Variants in KCNT2 observed in about 807,000 individuals in gnomAD.
KCNT2 encodes the protein potassium channel subfamily T member 2.
In KCNT2, 67 loss-of-function variants were observed where a neutral mutation model predicts 153.8. The ratio of observed to expected loss-of-function variants is 0.44; its 90% confidence interval spans 0.36 to 0.53. The LOEUF (loss-of-function observed/expected upper bound fraction) is 0.53, where lower values mean the gene tolerates loss of function less well. Among genes scored for constraint, KCNT2 ranks in the 20% least tolerant of loss-of-function variants. The probability of loss-of-function intolerance (pLI) is 0.00; values close to 1 mark genes in which losing one functional copy is unlikely to be tolerated. For missense variants in KCNT2, 975 were observed against 1,354.8 expected (o/e 0.72, Z 4.40); for synonymous variants, 500 against 458.8 (o/e 1.09, Z -1.15).
chr1:196,289,420 T>A (rs1659981787), intron 22 of KCNT2, among the ~76,000 whole-genome samples: 1 of 152,154 alleles, frequency 6.6e-6, no homozygotes, highest in South Asian at 2.1e-4. Flanking sequence ...TGATTTTGCT[T>A]TCTGTTACTT....
At position 196,251,774 on chromosome 1, in the gene KCNT2, G is replaced by T. The variant is rs563601064; in HGVS notation, c.3211+6420C>A. 1.6e-4 allele frequency among the ~76,000 whole-genome samples: 24 copies of T among 151,996 alleles called. No individual in the cohort carries two copies. In the East Asian group the frequency reaches 3.3e-3, roughly 21 times the overall value. On this transcript the variant is annotated intron_variant, in intron 26 of 27. Coordinates refer to ENST00000294725, the MANE Select transcript of KCNT2 (RefSeq NM_198503.5). Reference sequence around the variant, plus strand: ...TTAAGTGGATTGGTTATAACACAAAGAAATAATATATGCTTGAGATTATAG... The same window carrying T: ...TTAAGTGGATTGGTTATAACACAAATAAATAATATATGCTTGAGATTATAG...
At chr1:196,367,946 A>T (rs1018295920) in intron 14 of KCNT2, among the ~76,000 whole-genome samples, 6 of 152,160 alleles carry the variant, frequency 3.9e-5, no homozygotes, top group African/African-American at 1.4e-4. Context: ...TGAAGCAGAG[A>T]ATGCATTTTA....
At chr1:196,268,913 A>C (rs1040159738) in intron 25 of KCNT2, among the ~76,000 whole-genome samples, 1 of 152,082 alleles carries the variant, frequency 6.6e-6, no homozygotes. Context: ...GCCTCTGTGG[A>C]GTGGTAAAAA....
chr1:196,328,205 A>T (rs968971118), intron 18 of KCNT2, among the ~76,000 whole-genome samples: 4 of 152,222 alleles, frequency 2.6e-5, no homozygotes, highest in Non-Finnish European at 5.9e-5. Context: ...ACCTAAATCT[A>T]TTTCTCTGTA....
At chr1:196,490,347 A>G (rs967943314) in intron 2 of KCNT2, among the ~76,000 whole-genome samples, 1 of 151,370 alleles carries the variant, frequency 6.6e-6, no homozygotes, top group African/African-American at 2.4e-5. Flanking sequence ...TATAAAACTT[A>G]TACCTTCACA....
Position 196,325,627 on chromosome 1 carries a change from T to C in KCNT2, c.2276+1090A>G, listed in dbSNP as rs569620443. ...TGTTTTAACAAACTTTTATTTCTTC[T>C]GAAATTTGGTCCAAGTTTCTGTTCC... On this transcript the variant is annotated intron_variant, in intron 19 of 27. Transcript: ENST00000294725. Among the ~76,000 whole-genome samples the C allele has an allele frequency of 2.5e-4, 38 of 152,268 alleles. No individual in the cohort carries two copies. In the South Asian group the frequency reaches 7.3e-3, roughly 29 times the overall value.
intron 2 of KCNT2, among the ~76,000 whole-genome samples, 170 bp from the exon 3 acceptor site, chr1:196,490,107 C>A (rs968250387): frequency 1.3e-5 from 2 of 151,506 alleles, no homozygotes; most frequent in African/African-American, 4.8e-5. Context: ...ATTTTAATTA[C>A]CTGAATATTG....
intron 12 of KCNT2, among the ~76,000 whole-genome samples, chr1:196,410,710 TAAA>T (rs71154741): frequency 3.4e-5 from 5 of 145,330 alleles, no homozygotes; most frequent in African/African-American, 1.3e-4. Flanking sequence ...GCTCAGTGCT[TAAA>T]AAAAAAAAAA....
chr1:196,399,954 T>C (rs551254127), intron 12 of KCNT2, among the ~76,000 whole-genome samples: 4 of 151,932 alleles, frequency 2.6e-5, no homozygotes, highest in Admixed American at 2.0e-4. Flanking sequence ...GCCTCCAGAA[T>C]TGTGAGCAAT....
intron 22 of KCNT2, among the ~76,000 whole-genome samples, chr1:196,293,831 A>G (rs1392883637): frequency 6.6e-6 from 1 of 151,484 alleles, no homozygotes; most frequent in African/African-American, 2.4e-5. Context: ...AAATGGGATT[A>G]TAACAAACTA....
intron 27 of KCNT2, among the ~76,000 whole-genome samples, chr1:196,235,155 C>A (rs1654317609): frequency 6.6e-6 from 1 of 151,328 alleles, no homozygotes; most frequent in Non-Finnish European, 1.5e-5. Flanking sequence ...TGCCTTACAA[C>A]AGAAATGCTA....
chr1:196,496,534 A>T (rs1310262936), intron 1 of KCNT2, among the ~76,000 whole-genome samples: 1 of 152,166 alleles, frequency 6.6e-6, no homozygotes. Flanking sequence ...TGATGTAAAC[A>T]AGAGTTAGGT....
At chr1:196,439,881 G>T (rs1259007078) in intron 8 of KCNT2, among the ~76,000 whole-genome samples, 1 of 151,790 alleles carries the variant, frequency 6.6e-6, no homozygotes, top group Non-Finnish European at 1.5e-5. Context: ...ACACACCAAG[G>T]CCTGTCGGTG....
chr1:196,293,663 A>T (rs1456512145), intron 22 of KCNT2, among the ~76,000 whole-genome samples: 1 of 152,160 alleles, frequency 6.6e-6, no homozygotes, highest in Non-Finnish European at 1.5e-5. Context: ...ACCTTATCTC[A>T]TGCTATATGC....
At chr1:196,537,980 G>T (rs1216734615) in intron 1 of KCNT2, among the ~76,000 whole-genome samples, 3 of 152,120 alleles carry the variant, frequency 2.0e-5, no homozygotes, top group Non-Finnish European at 4.4e-5. Context: ...GCACCTGAAG[G>T]TCCCCATTCA....
chr1:196,327,013 T>C, intron 18 of KCNT2, 124 bp from the exon 19 acceptor site: 2 of 589,588 alleles, frequency 3.4e-6, no homozygotes, highest in South Asian at 2.5e-5. Flanking sequence ...TCTAATAAAT[T>C]TGAAAATAGT....
chr1:196,339,094 C>T (rs529255351), intron 16 of KCNT2, among the ~76,000 whole-genome samples: 7 of 151,506 alleles, frequency 4.6e-5, no homozygotes, highest in East Asian at 1.9e-4. Context: ...GTAGACAGTT[C>T]GCGTTGCTGT....
chr1:196,491,287 G>A (rs569734907), intron 2 of KCNT2, among the ~76,000 whole-genome samples: 1 of 152,108 alleles, frequency 6.6e-6, no homozygotes, highest in East Asian at 1.9e-4. Context: ...AAAAACATTA[G>A]TTGCTAACAG....
intron 1 of KCNT2, among the ~76,000 whole-genome samples, chr1:196,514,358 C>T (rs1414404138): frequency 6.6e-6 from 1 of 152,086 alleles, no homozygotes; most frequent in Non-Finnish European, 1.5e-5. Context: ...GTCATCCCTT[C>T]TTTTTATGTA....
Sources: allele counts gnomAD v4.1 joint callset (sites outside exome capture counted in the v4.1 genomes callset), GRCh38; gene constraint gnomAD v4.1.1; transcripts MANE v1.5; gene names NCBI Gene and HGNC (gene_info 2026-07-23, HGNC 2026-07-21).